The following ZNF385D variants were observed in gnomAD, a reference collection of about 807,000 sequenced individuals.
The protein encoded by ZNF385D is zinc finger protein 659.
ZNF385D carries 15 observed loss-of-function variants against 35.8 expected under a neutral mutation model. The observed-to-expected ratio is 0.42, with a 90% CI of 0.28 to 0.64. ZNF385D has a LOEUF of 0.64. Ranked by LOEUF, ZNF385D falls within the 30% of genes least tolerant of loss-of-function variation. ZNF385D has a pLI of 0.23. For synonymous variants in ZNF385D, 212 were observed against 186.8 expected (o/e 1.13, Z -1.10); for missense variants, 474 against 494.6 (o/e 0.96, Z 0.39).
chr3:22,000,977 C>G (rs1247305202), intron 3 of ZNF385D, among the ~76,000 whole-genome samples: 1 of 151,262 alleles, frequency 6.6e-6, no homozygotes, highest in African/African-American at 2.4e-5. Flanking sequence ...AAATAAAATT[C>G]ATTTGTAGAG....
At chr3:21,793,836 A>G (rs1297884635) in intron 3 of ZNF385D, among the ~76,000 whole-genome samples, 1 of 152,214 alleles carries the variant, frequency 6.6e-6, no homozygotes, top group African/African-American at 2.4e-5. Flanking sequence ...AGTTAGATCT[A>G]TTGTCATGAG....
In ZNF385D at chr3:21,724,872, G is replaced by A. The variant is rs2125461398; in HGVS notation, c.22+26023C>T. ...CACAACTCTCCACCCCAAATCAACA[G>A]AATATACATTCTTCTCAGCACTACA... On this transcript the variant is annotated intron_variant, in intron 1 of 7. Coordinates refer to ENST00000281523, the MANE Select transcript of ZNF385D (RefSeq NM_024697.3). Among the ~76,000 whole-genome samples, 3 of 152,230 alleles carry A rather than the reference G, an allele frequency of 2.0e-5. No individual in the cohort carries two copies. In the South Asian group the frequency reaches 6.2e-4, roughly 32 times the overall value.
chr3:22,080,812 G>C (rs576146705), intron 3 of ZNF385D, among the ~76,000 whole-genome samples: 1 of 151,936 alleles, frequency 6.6e-6, no homozygotes. Flanking sequence ...TTTATAAATG[G>C]GACCCCAGAG....
intron 3 of ZNF385D, among the ~76,000 whole-genome samples, chr3:22,047,557 G>A (rs1032794540): frequency 5.3e-5 from 8 of 152,084 alleles, no homozygotes; most frequent in East Asian, 3.9e-4. Flanking sequence ...GCTCATCCAT[G>A]TTGTTATAAA....
intron 3 of ZNF385D, among the ~76,000 whole-genome samples, chr3:21,913,902 T>C (rs1700078068): frequency 6.6e-6 from 1 of 152,092 alleles, no homozygotes; most frequent in Non-Finnish European, 1.5e-5. Flanking sequence ...GTTGGTTGGT[T>C]ATTTTTGTTC....
At chr3:21,973,827 T>C (rs367641023) in intron 3 of ZNF385D, among the ~76,000 whole-genome samples, 2 of 152,040 alleles carry the variant, frequency 1.3e-5, no homozygotes, top group African/African-American at 2.4e-5. Context: ...TCATTTATGA[T>C]AGCTACAATT....
chr3:21,425,589 T>A lies in ZNF385D; in HGVS notation c.755A>T (p.Lys252Ile). 1 of 1,610,082 alleles carries A rather than the reference T, an allele frequency of 6.2e-7. No individual in the cohort carries two copies. The highest frequency in any genetic ancestry group is 8.5e-7 in the Non-Finnish European group (1 of 1,178,072). The change falls in exon 6 of 8, where the codon AAA (lysine) becomes ATA (isoleucine). Residue 252 changes from lysine (K) to isoleucine (I), a missense_variant. By Grantham distance (102) the Lys-to-Ile change is moderately radical. Transcript: ENST00000281523. Reference sequence around the variant, plus strand: ...TGTGTTTCCTTTATTAACAGGTCCTTTGCCTTTCACTCCTGCCCTAGGAAA... The same window carrying A: ...TGTGTTTCCTTTATTAACAGGTCCTATGCCTTTCACTCCTGCCCTAGGAAA... ...KAFPRAGVKG[K>I]GPVNKGNTGL...
intron 3 of ZNF385D, among the ~76,000 whole-genome samples, chr3:21,813,203 C>G (rs1053047812): frequency 3.3e-5 from 5 of 151,944 alleles, no homozygotes; most frequent in East Asian, 3.9e-4. Flanking sequence ...AGGTCACCAT[C>G]ATCAGAGACC....
chr3:22,261,389 G>A (rs192683628), intron 2 of ZNF385D, among the ~76,000 whole-genome samples: 4 of 151,994 alleles, frequency 2.6e-5, no homozygotes, highest in Non-Finnish European at 5.9e-5. Flanking sequence ...TTGAGAAGAG[G>A]TTGAATTAGC....
chr3:22,367,910 T>C (rs1334129841), intron 2 of ZNF385D, among the ~76,000 whole-genome samples: 2 of 152,210 alleles, frequency 1.3e-5, no homozygotes, highest in Non-Finnish European at 2.9e-5. Context: ...TGTGGCATAA[T>C]AACGCATTTT....
intron 3 of ZNF385D, among the ~76,000 whole-genome samples, chr3:22,077,687 C>T (rs1003920361): frequency 2.0e-5 from 3 of 151,978 alleles, no homozygotes; most frequent in Non-Finnish European, 2.9e-5. Context: ...TTCCCTCATA[C>T]AGAGATGCTT....
At chr3:22,190,148 A>G (rs546306510) in intron 2 of ZNF385D, among the ~76,000 whole-genome samples, 1 of 152,338 alleles carries the variant, frequency 6.6e-6, no homozygotes, top group East Asian at 1.9e-4. Flanking sequence ...ATTGCTGCTG[A>G]GGAGTAATTT....
At chr3:22,326,457 C>A (rs566104571) in intron 2 of ZNF385D, among the ~76,000 whole-genome samples, 5 of 152,154 alleles carry the variant, frequency 3.3e-5, no homozygotes, top group Non-Finnish European at 5.9e-5. Flanking sequence ...TTAATTATCT[C>A]CTGTTATTTC....
intron 3 of ZNF385D, among the ~76,000 whole-genome samples, chr3:22,158,026 A>C (rs1705702259): frequency 6.6e-6 from 1 of 152,102 alleles, no homozygotes; most frequent in Admixed American, 6.6e-5. Flanking sequence ...GCGATTCCAG[A>C]TGTAAGATGA....
chr3:21,940,108 T>C (rs568458576), intron 3 of ZNF385D, among the ~76,000 whole-genome samples: 2 of 152,336 alleles, frequency 1.3e-5, no homozygotes, highest in African/African-American at 4.8e-5. Flanking sequence ...TAGAGGTCTT[T>C]GGAAACTTTT....
At chr3:22,307,606 T>C (rs565510986) in intron 2 of ZNF385D, among the ~76,000 whole-genome samples, 1 of 152,242 alleles carries the variant, frequency 6.6e-6, no homozygotes, top group East Asian at 1.9e-4. Context: ...AAATGGACTA[T>C]GGTGGACTAC....
chr3:21,740,999 T>G (rs780662214), intron 1 of ZNF385D, among the ~76,000 whole-genome samples: 5 of 152,188 alleles, frequency 3.3e-5, no homozygotes, highest in South Asian at 4.1e-4. Flanking sequence ...TCCACTGATG[T>G]TCCCCTTAAG....
chr3:21,907,190 A>T (rs1490767748), intron 3 of ZNF385D, among the ~76,000 whole-genome samples: 1 of 152,166 alleles, frequency 6.6e-6, no homozygotes, highest in Non-Finnish European at 1.5e-5. Context: ...ATTCCTTAAT[A>T]GATGTATAAT....
chr3:22,133,634 T>G (rs916124488), intron 3 of ZNF385D: 1 of 152,026 alleles, frequency 6.6e-6, no homozygotes, highest in Non-Finnish European at 1.5e-5. Context: ...GGGGAGATAC[T>G]CTATTCTTTC....
Sources: allele counts gnomAD v4.1 joint callset (sites outside exome capture counted in the v4.1 genomes callset), GRCh38; gene constraint gnomAD v4.1.1; transcripts MANE v1.5; gene names NCBI Gene and HGNC (gene_info 2026-07-23, HGNC 2026-07-21).